The following LRRC8B variants were observed in gnomAD, a reference collection of about 807,000 sequenced individuals.
LRRC8B encodes leucine rich repeat containing 8 VRAC subunit B.
In LRRC8B, 23 loss-of-function variants were observed where a neutral mutation model predicts 58.8. The observed-to-expected ratio is 0.39, with a 90% CI of 0.28 to 0.55. The LOEUF (loss-of-function observed/expected upper bound fraction) is 0.55, where lower values mean the gene tolerates loss of function less well. LRRC8B is among the 20% of genes least tolerant of loss of function. The pLI, the probability that LRRC8B is intolerant of heterozygous loss-of-function variation, is 0.62. For missense variants in LRRC8B, 694 were observed against 936.0 expected, an observed-to-expected ratio of 0.74 and a Z score of 3.37; for synonymous variants, 359 against 374.1, an observed-to-expected ratio of 0.96 and a Z score of 0.47.
chr1:89,585,542 G>T (rs1654557059), intron 5 of LRRC8B, among the ~76,000 whole-genome samples: 1 of 152,162 alleles, frequency 6.6e-6, no homozygotes, highest in African/African-American at 2.4e-5. Flanking sequence ...TGTCCATTTG[G>T]GAAGAAAGAG....
chr1:89,582,230 A>G (rs200586435), intron 4 of LRRC8B, among the ~76,000 whole-genome samples: 9 of 150,222 alleles, frequency 6.0e-5, no homozygotes, highest in African/African-American at 2.0e-4. Context: ...AAGGAAGAAA[A>G]AAAGAAAGAA....
At position 89,593,745 on chromosome 1, in the gene LRRC8B, A is replaced by ATT. The variant is rs2101118747; in HGVS notation, c.*704_*705dup. On this transcript the variant is annotated 3_prime_UTR_variant, in exon 6 of 6. Transcript: ENST00000330947. Reference sequence around the variant, plus strand: ...GTTTTAACTGACTTCCTGTTTTGATATTTATCACCAAGACCATAAACTCAT... The same window carrying ATT: ...GTTTTAACTGACTTCCTGTTTTGATATTTTTATCACCAAGACCATAAACTCAT... The ATT allele has an allele frequency of 6.6e-6, 1 of 152,224 alleles. No individual in the cohort carries two copies. The highest frequency in any genetic ancestry group is 2.1e-4 in the South Asian group (1 of 4,826). The allele number at this position is 152,224 out of a possible 1,614,324, so 9.4% of individuals were successfully genotyped here.
At chr1:89,528,250 C>G (rs1297691700) in intron 1 of LRRC8B, among the ~76,000 whole-genome samples, 1 of 152,204 alleles carries the variant, frequency 6.6e-6, no homozygotes, top group Non-Finnish European at 1.5e-5. Context: ...GCTTCTATTT[C>G]TCTTCCGTAT....
chr1:89,551,592 C>G (rs1468966768), intron 1 of LRRC8B, among the ~76,000 whole-genome samples: 1 of 152,096 alleles, frequency 6.6e-6, no homozygotes, highest in African/African-American at 2.4e-5. Flanking sequence ...CATACCACAG[C>G]AAATGCTCAA....
chr1:89,562,351 AT>A (rs1278830606), intron 1 of LRRC8B, among the ~76,000 whole-genome samples: 1 of 152,122 alleles, frequency 6.6e-6, no homozygotes, highest in African/African-American at 2.4e-5. Context: ...TTATTAGTGA[AT>A]TTTGTAAACA....
intron 1 of LRRC8B, among the ~76,000 whole-genome samples, chr1:89,529,317 G>C (rs527919509): frequency 6.6e-6 from 1 of 152,044 alleles, no homozygotes; most frequent in African/African-American, 2.4e-5. Flanking sequence ...TTGGTGTTAC[G>C]AGACTGCTGT....
chr1:89,542,477 A>C (rs527538728), intron 1 of LRRC8B, among the ~76,000 whole-genome samples: 6 of 152,358 alleles, frequency 3.9e-5, no homozygotes, highest in African/African-American at 1.4e-4. Flanking sequence ...CATTTACCAC[A>C]TAACAGCCAC....
At chr1:89,591,502 A>G (rs1654973097) in intron 5 of LRRC8B, among the ~76,000 whole-genome samples, 2 of 152,200 alleles carry the variant, frequency 1.3e-5, no homozygotes, top group Non-Finnish European at 2.9e-5. Context: ...TTGGTGTACA[A>G]TGATGATCTA....
At position 89,534,241 on chromosome 1, in the gene LRRC8B, T is replaced by A. The variant is rs192844415; in HGVS notation, c.-241+9219T>A. 3.9e-3 allele frequency among the ~76,000 whole-genome samples: 591 copies of A among 152,352 alleles called. 2 individuals are homozygous for A. Among genetic ancestry groups the A allele is most frequent in the Middle Eastern group, 0.01 (3 of 294 alleles). ...TGAAATTTTTCATCATAATTTTGAA[T>A]AGTTGCAGACAGTCACATTTCTATT... On this transcript the variant is annotated intron_variant, in intron 1 of 5. Coordinates refer to ENST00000330947, the MANE Select transcript of LRRC8B (RefSeq NM_001369817.2).
At chr1:89,571,074 C>T (rs77456557) in intron 3 of LRRC8B, among the ~76,000 whole-genome samples, 8,607 of 152,200 alleles carry the variant, frequency 0.057, 279 homozygotes, top group African/African-American at 0.085. Flanking sequence ...GTCTATGTGT[C>T]CGCTTTGTAC....
At chr1:89,558,683 ATAAG>A (rs2100945008) in intron 1 of LRRC8B, 1 of 152,346 alleles carries the variant, frequency 6.6e-6, no homozygotes, top group African/African-American at 2.4e-5. Flanking sequence ...TGGGTAATTT[ATAAG>A]TAACGTAAAT....
intron 1 of LRRC8B, among the ~76,000 whole-genome samples, chr1:89,559,886 T>G (rs972911074): frequency 1.3e-5 from 2 of 152,216 alleles, no homozygotes; most frequent in South Asian, 4.1e-4. Context: ...GTAGACATTG[T>G]ACTCCTTTTC....
At chr1:89,543,476 A>G (rs1651171931) in intron 1 of LRRC8B, among the ~76,000 whole-genome samples, 1 of 151,762 alleles carries the variant, frequency 6.6e-6, no homozygotes, top group African/African-American at 2.4e-5. Context: ...TTATTCTAAT[A>G]TTATCTAAGT....
intron 1 of LRRC8B, among the ~76,000 whole-genome samples, 168 bp downstream of exon 1, chr1:89,525,190 G>A (rs1649568176): frequency 6.6e-6 from 1 of 152,266 alleles, no homozygotes; most frequent in African/African-American, 2.4e-5. Context: ...TAGCGCGGCT[G>A]CAGAGACGAG....
At chr1:89,592,721 T>A in intron 5 of LRRC8B, 50 bp from the exon 6 acceptor site, 1 of 1,491,118 alleles carries the variant, frequency 6.7e-7, no homozygotes, top group African/African-American at 1.4e-5. Context: ...TGTCTTATCA[T>A]AAGCCACCAA....
At chr1:89,526,650 C>T (rs1649720871) in intron 1 of LRRC8B, among the ~76,000 whole-genome samples, 1 of 152,196 alleles carries the variant, frequency 6.6e-6, no homozygotes, top group Non-Finnish European at 1.5e-5. Flanking sequence ...CCTAACATGT[C>T]TGATATTTCT....
chr1:89,588,516 C>A (rs1333672845), intron 5 of LRRC8B, among the ~76,000 whole-genome samples: 3 of 152,002 alleles, frequency 2.0e-5, no homozygotes, highest in Admixed American at 6.6e-5. Flanking sequence ...AAAACATAAC[C>A]AAATATAATA....
intron 1 of LRRC8B, among the ~76,000 whole-genome samples, chr1:89,534,276 G>A (rs1233534647): frequency 2.6e-5 from 4 of 151,878 alleles, no homozygotes; most frequent in African/African-American, 9.7e-5. Flanking sequence ...TATAACTATT[G>A]GGTTTTAAAA....
intron 5 of LRRC8B, among the ~76,000 whole-genome samples, chr1:89,585,978 GA>G (rs1445976917): frequency 1.3e-5 from 2 of 152,126 alleles, no homozygotes; most frequent in Admixed American, 6.5e-5. Context: ...AAAATTGGGG[GA>G]TGAGAGCAAA....
Sources: gnomAD v4.1 joint callset for allele counts (sites outside exome capture counted in the v4.1 genomes callset) on GRCh38, gnomAD v4.1.1 for gene constraint, MANE v1.5 for transcripts, NCBI Gene and HGNC (gene_info 2026-07-23, HGNC 2026-07-21) for gene names.